Variants in NLGN4Y observed in about 807,000 individuals in gnomAD.
NLGN4Y encodes the protein neuroligin 4 Y-linked, also known as neuroligin-4, Y-linked.
Under a neutral mutation model 8.4 loss-of-function variants are expected in NLGN4Y, and 4 were observed. That is an observed-to-expected ratio of 0.48 (90% CI 0.23 to 1.09). The LOEUF is 1.09. NLGN4Y is among the 50% of genes least tolerant of loss of function. The pLI is 0.19. For synonymous variants in NLGN4Y, 35 were observed against 75.6 expected (o/e 0.46, Z 2.78); for missense variants, 90 against 192.3 (o/e 0.47, Z 3.15).
intron 1 of NLGN4Y, among the ~76,000 whole-genome samples, chrY:14,609,834 G>A (rs2080460074): frequency 3.0e-5 from 1 of 33,176 alleles, no homozygotes; most frequent in Admixed American, 2.8e-4. Context: ...CTGTGAATCT[G>A]TCTGGTCCTG....
At chrY:14,665,499 C>A in intron 2 of NLGN4Y, among the ~76,000 whole-genome samples, 1 of 33,680 alleles carries the variant, frequency 3.0e-5, no homozygotes, top group African/African-American at 1.2e-4. Flanking sequence ...ATTATAATTA[C>A]AAACTGAGCT....
intron 5 of NLGN4Y, among the ~76,000 whole-genome samples, chrY:14,827,947 A>C: frequency 3.0e-5 from 1 of 33,386 alleles, no homozygotes; most frequent in African/African-American, 1.2e-4. Context: ...AAGGAGATGA[A>C]AGTTATTAGA....
At chrY:14,559,827 G>T (rs769345717) in intron 1 of NLGN4Y, among the ~76,000 whole-genome samples, 2 of 33,252 alleles carry the variant, frequency 6.0e-5, no homozygotes, top group Non-Finnish European at 1.5e-4. Flanking sequence ...TTTTGGTACA[G>T]GATTCAATAA....
At chrY:14,598,812 CAAGT>C (rs2080416225) in intron 1 of NLGN4Y, among the ~76,000 whole-genome samples, 1 of 27,963 alleles carries the variant, frequency 3.6e-5, no homozygotes, top group South Asian at 8.7e-4. Flanking sequence ...ACCCATCTAA[CAAGT>C]AAGTGATGGA....
chrY:14,759,737 G>T (rs2081075140), intron 4 of NLGN4Y, among the ~76,000 whole-genome samples: 1 of 34,451 alleles, frequency 2.9e-5, no homozygotes, highest in Non-Finnish European at 7.3e-5. Flanking sequence ...TGCTGTTTTA[G>T]AGTGTTTCAT....
In NLGN4Y at chrY:14,718,453, C is replaced by T. The variant is rs774734924; in HGVS notation, c.473-1006C>T. Among the ~76,000 whole-genome samples the T allele has an allele frequency of 9.0e-5, 3 of 33,481 alleles. No individual in the cohort carries two copies. In the South Asian group the frequency reaches 2.0e-3, roughly 22 times the overall value. 89.8% of individuals were successfully genotyped at this position (33,481 alleles called of 37,273 possible). ...TAGTGGGGTATGCACACATGGGCTA[C>T]ATCTGTCTATGAAAAGGAAACAATG... is the stretch of plus-strand genomic sequence containing the variant. On this transcript the variant is annotated intron_variant, in intron 2 of 6. Transcript: ENST00000684976.
intron 4 of NLGN4Y, among the ~76,000 whole-genome samples, chrY:14,823,705 T>C: frequency 5.9e-5 from 2 of 33,738 alleles, no homozygotes; most frequent in African/African-American, 2.3e-4. Context: ...GTTTATGTAA[T>C]TATTTCTGCC....
Position 14,830,536 on chromosome Y carries a change from G to T in NLGN4Y, c.1661+17G>T. The T allele has an allele frequency of 2.5e-6, 1 of 394,961 alleles. No homozygotes were observed. On this transcript the variant is annotated intron_variant, in intron 6 of 6. Transcript: ENST00000684976. ...CAAAACTGGGTACGTTCTTCTTCAT[G>T]TTGGGGTATCACTGTCCTCTTCGCT... is the stretch of plus-strand genomic sequence containing the variant.
intron 4 of NLGN4Y, among the ~76,000 whole-genome samples, chrY:14,807,417 G>A: frequency 3.2e-5 from 1 of 30,964 alleles, no homozygotes; most frequent in African/African-American, 1.3e-4. Flanking sequence ...TTTCTTATAT[G>A]TATTTTATAG....
intron 2 of NLGN4Y, among the ~76,000 whole-genome samples, chrY:14,635,544 T>A (rs2150513180): frequency 3.3e-5 from 1 of 30,511 alleles, no homozygotes; most frequent in African/African-American, 1.2e-4. Context: ...TTCTTTTCTT[T>A]TCTTTTCTTT....
At chrY:14,684,538 G>A in intron 2 of NLGN4Y, among the ~76,000 whole-genome samples, 1 of 32,352 alleles carries the variant, frequency 3.1e-5, no homozygotes, top group African/African-American at 1.2e-4. Flanking sequence ...ATGGGGGGAA[G>A]TATGTGCTAG....
intron 2 of NLGN4Y, among the ~76,000 whole-genome samples, chrY:14,651,806 G>A: frequency 3.0e-5 from 1 of 32,902 alleles, no homozygotes; most frequent in African/African-American, 1.2e-4. Context: ...AGAGATTTTT[G>A]ACATACAGTC....
At chrY:14,835,021 A>G (rs113193219) in intron 6 of NLGN4Y, among the ~76,000 whole-genome samples, 76 of 32,986 alleles carry the variant, frequency 2.3e-3, no homozygotes, top group African/African-American at 8.3e-3. Context: ...GCCAAGACAT[A>G]CTTCCCCACT....
intron 2 of NLGN4Y, among the ~76,000 whole-genome samples, chrY:14,659,002 A>G: frequency 3.0e-5 from 1 of 33,685 alleles, no homozygotes; most frequent in Non-Finnish European, 7.4e-5. Context: ...TCTCTTTTAT[A>G]TGGACACTAA....
At chrY:14,527,030 C>T (rs2080096459) in intron 1 of NLGN4Y, among the ~76,000 whole-genome samples, 1 of 33,490 alleles carries the variant, frequency 3.0e-5, no homozygotes, top group Admixed American at 2.7e-4. Context: ...GAGCTTTTGA[C>T]TGACTCGCCA....
chrY:14,627,065 G>A (rs2080530848), intron 2 of NLGN4Y, among the ~76,000 whole-genome samples: 1 of 31,045 alleles, frequency 3.2e-5, no homozygotes, highest in African/African-American at 1.3e-4. Context: ...CGCGCCTGTA[G>A]TCCCAGCTAC....
intron 4 of NLGN4Y, among the ~76,000 whole-genome samples, chrY:14,802,296 C>G (rs762998134): frequency 3.0e-5 from 1 of 33,076 alleles, no homozygotes; most frequent in Admixed American, 2.9e-4. Context: ...CACTCTTTCT[C>G]TCTCTCTCTG....
At position 14,622,125 on chromosome Y, in the gene NLGN4Y, G is replaced by T. The variant is rs2150507695; in HGVS notation, c.6G>T (p.Leu2Phe). Residue 2 changes from leucine to phenylalanine, a missense_variant, in exon 2 of 7, where the codon TTG (leucine) becomes TTT (phenylalanine). Physicochemically the swap from Leu to Phe is conservative, Grantham distance 22. This residue lies in a region of NLGN4Y where 37 missense variants were observed against 38.5 expected (regional missense o/e 0.96). Transcript: ENST00000684976. The part of the protein sequence containing the change: M[L>F]RPQGLLWLPL... The stretch of plus-strand genomic sequence containing the variant: ...TGTGGATGCAGATTTGAACCATGTT[G>T]CGTCCCCAGGGACTGCTATGGCTCC... 2.5e-6 allele frequency: 1 copy of T among 393,122 alleles called. No individual in the cohort carries two copies. The highest frequency in any genetic ancestry group is 3.6e-6 in the Non-Finnish European group (1 of 279,724).
intron 1 of NLGN4Y, among the ~76,000 whole-genome samples, chrY:14,536,292 G>T: frequency 5.0e-5 from 1 of 19,933 alleles, no homozygotes; most frequent in South Asian, 1.3e-3. Flanking sequence ...TTTCACCGAG[G>T]CTGGAGTGCA....
Sources: gnomAD v4.1 joint callset for allele counts (sites outside exome capture counted in the v4.1 genomes callset) on GRCh38, gnomAD v4.1.1 for gene constraint, gnomAD v4.1.1 regional missense constraint, MANE v1.5 for transcripts, NCBI Gene and HGNC (gene_info 2026-07-23, HGNC 2026-07-21) for gene names.